Variants in FARSB observed in about 807,000 individuals in gnomAD.
The protein encoded by FARSB is phenylalanyl-tRNA synthetase subunit beta.
FARSB carries 40 observed loss-of-function variants against 69.6 expected under a neutral mutation model. The ratio of observed to expected loss-of-function variants is 0.57; its 90% CI spans 0.45 to 0.75. FARSB has a LOEUF of 0.75. Among genes scored for constraint, FARSB ranks in the 30% least tolerant of loss-of-function variants. The probability of loss-of-function intolerance (pLI) is 0.00; values close to 1 mark genes in which losing one functional copy is unlikely to be tolerated. For missense variants in FARSB, 632 were observed against 722.9 expected (o/e 0.87, Z 1.44); for synonymous variants, 235 against 247.2 (o/e 0.95, Z 0.46).
intron 14 of FARSB, among the ~76,000 whole-genome samples, chr2:222,619,267 C>G (rs958414352): frequency 2.0e-5 from 3 of 150,154 alleles, no homozygotes; most frequent in Non-Finnish European, 4.4e-5. Flanking sequence ...GATCGTGCCA[C>G]TGCACTCCAG....
intron 15 of FARSB, among the ~76,000 whole-genome samples, chr2:222,612,646 A>G (rs1188182138): frequency 6.6e-6 from 1 of 152,230 alleles, no homozygotes; most frequent in African/African-American, 2.4e-5. Context: ...CGCTGCATAA[A>G]CACTGCTAGT....
chr2:222,631,694 A>G lies in FARSB; in HGVS notation c.716-20T>C, dbSNP rs1691429598. 1.5e-6 allele frequency: 2 copies of G among 1,333,354 alleles called. No individual in the cohort carries two copies. Among genetic ancestry groups the G allele is most frequent in the Non-Finnish European group, 2.2e-6 (2 of 928,106 alleles). The allele number at this position is 1,333,354 out of a possible 1,614,324, so 82.6% of individuals were successfully genotyped here. A position where few individuals can be genotyped will look rare whatever the true frequency, so the allele number is the denominator to read the frequency against. On this transcript the variant is annotated intron_variant, in intron 7 of 16. Coordinates refer to ENST00000281828, the MANE Select transcript of FARSB (RefSeq NM_005687.5). ...GATCCCCTGCAATGAACACAAAACA[A>G]TAACATTAAAATAACTAATTTCAGA...
At chr2:222,618,339 T>G (rs979318200) in intron 14 of FARSB, among the ~76,000 whole-genome samples, 41 of 152,204 alleles carry the variant, frequency 2.7e-4, no homozygotes, top group Non-Finnish European at 5.6e-4. Flanking sequence ...AGTCCCTTAT[T>G]TTTGTAGAAG....
intron 13 of FARSB, among the ~76,000 whole-genome samples, chr2:222,621,396 T>C (rs1038529592): frequency 2.0e-5 from 3 of 152,186 alleles, no homozygotes; most frequent in African/African-American, 4.8e-5. Flanking sequence ...CTAATTTTTG[T>C]ATTTTTAGTA....
At chr2:222,649,583 T>A (rs757654241) in intron 1 of FARSB, among the ~76,000 whole-genome samples, 8 of 152,258 alleles carry the variant, frequency 5.3e-5, no homozygotes, top group African/African-American at 1.7e-4. Flanking sequence ...TTATGTAAAC[T>A]TTCTTGGTAT....
intron 13 of FARSB, among the ~76,000 whole-genome samples, chr2:222,623,322 A>G (rs780129866): frequency 5.3e-5 from 8 of 152,192 alleles, no homozygotes; most frequent in Non-Finnish European, 1.0e-4. Context: ...GCCATAACCA[A>G]ATTAAGACCA....
chr2:222,653,229 A>G (rs181552548), intron 1 of FARSB, among the ~76,000 whole-genome samples: 185 of 152,370 alleles, frequency 1.2e-3, no homozygotes, highest in East Asian at 2.1e-3. Context: ...TCAGAAGAGC[A>G]AAATAACCAA....
At position 222,630,176 on chromosome 2, in the gene FARSB, T is replaced by C; in HGVS notation, c.787-2A>G. ...AATAATATCAAGAACTATTTTTGCC[T>C]GCAAAGAAAAGAAAAACAAATATAG... is the stretch of plus-strand genomic sequence containing the variant. On this transcript the variant is annotated splice_acceptor_variant, in intron 8 of 16. Transcript: ENST00000281828. LOFTEE classifies it high-confidence loss of function. The C allele has an allele frequency of 6.7e-7, 1 of 1,496,442 alleles. No individual in the cohort carries two copies. Among genetic ancestry groups the C allele is most frequent in the South Asian group, 1.3e-5 (1 of 78,420 alleles). The allele number at this position is 1,496,442 out of a possible 1,614,324, so 92.7% of individuals were successfully genotyped here. A position where few individuals can be genotyped will look rare whatever the true frequency, so the allele number is the denominator to read the frequency against.
chr2:222,638,128 T>C (rs1347343466), intron 5 of FARSB, among the ~76,000 whole-genome samples: 1 of 152,160 alleles, frequency 6.6e-6, no homozygotes, highest in East Asian at 1.9e-4. Flanking sequence ...TAAAGAAACA[T>C]TATGAACAAC....
intron 15 of FARSB, among the ~76,000 whole-genome samples, chr2:222,605,488 C>CT (rs1690682863): frequency 6.6e-6 from 1 of 152,142 alleles, no homozygotes; most frequent in South Asian, 2.1e-4. Context: ...ATTCCAAGTA[C>CT]TTTTTTCCTG....
rs186596233 is a variant in FARSB, at chr2:222,604,836, G to C, written c.1463-4753C>G. The stretch of plus-strand genomic sequence containing the variant: ...AATCTGCCTGCCTCAGCCTCCCAAA[G>C]TGCTAAGGCTACAGGCATGAGCCAC... On this transcript the variant is annotated intron_variant, in intron 15 of 16. Transcript: ENST00000281828. 1.5e-3 allele frequency among the ~76,000 whole-genome samples: 218 copies of C among 147,376 alleles called. 1 individual carries two copies. The highest frequency in any genetic ancestry group is 0.013 in the Admixed American group (189 of 14,134).
rs114763706 is a variant in FARSB, at chr2:222,607,225, T to C, written c.1462+6586A>G. Among the ~76,000 whole-genome samples the C allele has an allele frequency of 6.9e-3, 1,050 of 152,320 alleles. 13 individuals carry two copies. Among genetic ancestry groups the C allele is most frequent in the African/African-American group, 0.022 (908 of 41,566 alleles). ...AGGATGCTAAGTTTGTAAAAAATCCTTTTATGAAGAGAATTCAACAAATTA... is the reference window on the plus strand; with the variant it reads ...AGGATGCTAAGTTTGTAAAAAATCCCTTTATGAAGAGAATTCAACAAATTA... On this transcript the variant is annotated intron_variant, in intron 15 of 16. Transcript: ENST00000281828.
chr2:222,596,275 G>A lies in FARSB; in HGVS notation c.1618+3653C>T, dbSNP rs72966148. ...CTCCAATGTCAACAAAACTCCATAG[G>A]TTAATGCGAAGATCAATCAGATGAA... On this transcript the variant is annotated intron_variant, in intron 16 of 16. Transcript: ENST00000281828. Among the ~76,000 whole-genome samples, 13 of 152,178 alleles carry A rather than the reference G, an allele frequency of 8.5e-5. No homozygotes were observed. The South Asian group carries it at 2.5e-3, about 29-fold the overall frequency.
At chr2:222,615,034 A>C (rs1294982377) in intron 14 of FARSB, among the ~76,000 whole-genome samples, 1 of 152,206 alleles carries the variant, frequency 6.6e-6, no homozygotes, top group Non-Finnish European at 1.5e-5. Flanking sequence ...AGCAAATGTG[A>C]AAGAAAGCAT....
At chr2:222,596,662 G>C (rs1411333597) in intron 16 of FARSB, among the ~76,000 whole-genome samples, 1 of 152,146 alleles carries the variant, frequency 6.6e-6, no homozygotes, top group Non-Finnish European at 1.5e-5. Flanking sequence ...TGAAAAAGCT[G>C]TATGTAAAAT....
At chr2:222,580,923 C>T (rs1251198267) in intron 16 of FARSB, among the ~76,000 whole-genome samples, 1 of 152,074 alleles carries the variant, frequency 6.6e-6, no homozygotes, top group East Asian at 1.9e-4. Context: ...ACAACTATAA[C>T]ACAAAAAACC....
rs752165575 is a variant in FARSB, at chr2:222,628,905, GAAATA to G, written c.849-22_849-18del. ...GCTTCGACCCTGAAAACAAAAGCCA[GAAATA>G]AAATACTTAAGAAAAAAATGTGCCA... is the stretch of plus-strand genomic sequence containing the variant. On this transcript the variant is annotated intron_variant, in intron 9 of 16. Transcript: ENST00000281828. 70 of 1,597,782 alleles carry G rather than the reference GAAATA, an allele frequency of 4.4e-5. No homozygotes were observed. Among genetic ancestry groups the G allele is most frequent in the Non-Finnish European group, 9.4e-6 (11 of 1,168,296 alleles).
At chr2:222,654,456 A>T (rs1200778484) in intron 1 of FARSB, among the ~76,000 whole-genome samples, 1 of 152,248 alleles carries the variant, frequency 6.6e-6, no homozygotes, top group Non-Finnish European at 1.5e-5. Flanking sequence ...TGTATATGCA[A>T]ATATCCCAAA....
At chr2:222,603,175 T>C (rs2106200344) in intron 15 of FARSB, among the ~76,000 whole-genome samples, 2 of 152,312 alleles carry the variant, frequency 1.3e-5, no homozygotes, top group East Asian at 3.9e-4. Context: ...GGCCTCATTT[T>C]GCTTTCCAAA....
Sources: gnomAD v4.1 joint callset for allele counts (sites outside exome capture counted in the v4.1 genomes callset) on GRCh38, gnomAD v4.1.1 for gene constraint, MANE v1.5 for transcripts, NCBI Gene and HGNC (gene_info 2026-07-23, HGNC 2026-07-21) for gene names.